Variants in SMG5 observed in about 807,000 individuals in gnomAD.
SMG5 encodes the protein nonsense-mediated mRNA decay factor SMG5.
Under a neutral mutation model 122.9 loss-of-function variants are expected in SMG5, and 53 were observed. The observed-to-expected ratio is 0.43, with a 90% CI of 0.35 to 0.54. The LOEUF (loss-of-function observed/expected upper bound fraction) is 0.54. Ranked by LOEUF, SMG5 falls within the 20% of genes least tolerant of loss-of-function variation. The pLI is 0.01. For missense variants in SMG5, 1,153 were observed against 1,285.6 expected (o/e 0.90, Z 1.58); for synonymous variants, 477 against 490.2 (o/e 0.97, Z 0.35).
At chr1:156,290,859 A>G in the SMG5 span, 1 of 138,468 alleles carries the variant, frequency 7.2e-6, no homozygotes, top group African/African-American at 2.7e-5. Context: ...AATTTAAAAA[A>G]TCACTCAGTG....
chr1:156,266,568 C>T lies in SMG5; in HGVS notation c.1228G>A (p.Val410Ile), dbSNP rs745317260. ...QAELEEGENPVPAFQSDGTDE... is the reference protein window; with the variant it reads ...QAELEEGENPIPAFQSDGTDE... Reference sequence around the variant, plus strand: ...GTGCCATCACTCTGGAATGCCGGGACGGGATTCTCGCCCTCTTCCAGCTCA... The same window carrying T: ...GTGCCATCACTCTGGAATGCCGGGATGGGATTCTCGCCCTCTTCCAGCTCA... Residue 410 changes from valine (V) to isoleucine (I), a missense_variant, in exon 11 of 22, where the codon GTC becomes ATC. Val to Ile is a conservative substitution (Grantham distance 29). Around this residue, in one of 5 missense-constraint regions of SMG5, gnomAD observed 631 missense variants for 650.6 expected, o/e 0.97. Coordinates refer to ENST00000361813, the MANE Select transcript of SMG5 (RefSeq NM_015327.3). 6 of 1,614,166 alleles carry T rather than the reference C, an allele frequency of 3.7e-6. No individual in the cohort carries two copies. The highest frequency in any genetic ancestry group is 2.2e-5 in the South Asian group (2 of 91,086).
In SMG5 at chr1:156,282,049, G is replaced by A. The variant is rs1662974141; in HGVS notation, c.74+558C>T. Among the ~76,000 whole-genome samples the A allele has an allele frequency of 2.6e-5, 4 of 152,240 alleles. No individual in the cohort carries two copies. In the Middle Eastern group the frequency reaches 0.01, roughly 388 times the overall value. On this transcript the variant is annotated intron_variant, in intron 1 of 21. Transcript: ENST00000361813. ...CAAAAGTCGTTCGTGACCCTTCCAG[G>A]CCAAGACTTTCTCATTCGGACTCCT...
intron 13 of SMG5, 91 bp downstream of exon 13, chr1:156,263,304 C>A: frequency 7.1e-7 from 1 of 1,405,032 alleles, no homozygotes; most frequent in Non-Finnish European, 9.7e-7. Flanking sequence ...CTTGCCTTGG[C>A]CATCAGGGGG....
intron 13 of SMG5, among the ~76,000 whole-genome samples, chr1:156,261,970 G>A (rs1025830660): frequency 6.6e-6 from 1 of 152,122 alleles, no homozygotes; most frequent in Non-Finnish European, 1.5e-5. Flanking sequence ...GCTCAGTTGG[G>A]AGGATTGCTT....
chr1:156,286,747 A>G (rs560921006), upstream of SMG5, among the ~76,000 whole-genome samples: 5 of 152,340 alleles, frequency 3.3e-5, no homozygotes. Flanking sequence ...TCCTGTGGCA[A>G]TCTGGTCAGG....
Position 156,282,598 on chromosome 1 carries a change from C to T in SMG5, c.74+9G>A, listed in dbSNP as rs376555771. On this transcript the variant is annotated intron_variant, in intron 1 of 21. Coordinates refer to ENST00000361813, the MANE Select transcript of SMG5 (RefSeq NM_015327.3). ...TCGGTGGCTGCTCTCACGCCCTGGC[C>T]CCTCTCACCGGTAAAGCCGCTTAGT... The T allele has an allele frequency of 1.0e-5, 16 of 1,606,458 alleles. No homozygotes were observed. The highest frequency in any genetic ancestry group is 2.2e-5 in the East Asian group (1 of 44,822).
chr1:156,291,269 G>C, the SMG5 span: 1 of 860,806 alleles, frequency 1.2e-6, no homozygotes, highest in Admixed American at 2.0e-5. Context: ...GGAAGTACCA[G>C]CCATACCCAC....
rs1325435879 is a variant in SMG5, at chr1:156,274,759, C to T, written c.455-73G>A. Reference sequence around the variant, plus strand: ...CCGCACCTATGAAGAAATACCCCTCCGAGATGTAGAGACTAAGAATCCAGG... The same window carrying T: ...CCGCACCTATGAAGAAATACCCCTCTGAGATGTAGAGACTAAGAATCCAGG... On this transcript the variant is annotated intron_variant, in intron 4 of 21. Transcript: ENST00000361813. 3.7e-5 allele frequency: 46 copies of T among 1,239,102 alleles called. No individual in the cohort carries two copies. The East Asian group carries it at 4.8e-4, about 13-fold the overall frequency. 76.8% of individuals were successfully genotyped at this position (1,239,102 alleles called of 1,614,324 possible).
At chr1:156,265,519 T>C (rs1215801404) in intron 12 of SMG5, among the ~76,000 whole-genome samples, 1 of 152,014 alleles carries the variant, frequency 6.6e-6, no homozygotes, top group African/African-American at 2.4e-5. Flanking sequence ...AATTGTTGTG[T>C]AGGGAGGAAA....
At chr1:156,276,423 G>A (rs183794471) in intron 4 of SMG5, among the ~76,000 whole-genome samples, 78 of 152,232 alleles carry the variant, frequency 5.1e-4, no homozygotes, top group African/African-American at 1.8e-3. Context: ...CACCGTGCCC[G>A]GTCTAGATGT....
chr1:156,286,581 G>C, upstream of SMG5: 1 of 1,108,058 alleles, frequency 9.0e-7, no homozygotes, highest in East Asian at 2.4e-5. Context: ...TTCTACACTG[G>C]CCCAAATGTG....
At position 156,274,289 on chromosome 1, in the gene SMG5, A is replaced by C. The variant is rs143558082; in HGVS notation, c.544+308T>G. 8.5e-4 allele frequency among the ~76,000 whole-genome samples: 130 copies of C among 152,326 alleles called. 1 individual carries two copies. In the East Asian group the frequency reaches 0.022, roughly 26 times the overall value. ...TTCATCTAGCAGTCCATAAAGATAA[A>C]AGAAACACTCAAAGAAGAAAAATAT... On this transcript the variant is annotated intron_variant, in intron 5 of 21. Coordinates refer to ENST00000361813, the MANE Select transcript of SMG5 (RefSeq NM_015327.3).
chr1:156,280,794 A>G (rs773167229), intron 1 of SMG5, among the ~76,000 whole-genome samples: 1 of 152,228 alleles, frequency 6.6e-6, no homozygotes, highest in African/African-American at 2.4e-5. Context: ...CTCCTCCACT[A>G]AACTATAATC....
rs1228224331 is a variant in SMG5, at chr1:156,268,368, C to T, written c.761G>A (p.Arg254Gln). The change falls in exon 8 of 22, where the codon CGG becomes CAG. Residue 254 changes from arginine to glutamine, a missense_variant. This residue lies in a region of SMG5 where 85 missense variants were observed against 127.3 expected (regional missense o/e 0.67). Transcript: ENST00000361813. ...CATTTTGGCTGCCTTGTCATACAGC[C>T]GCTTGAGGTTCCCATAGGCTCCCTC... The part of the protein sequence containing the change: ...SFEGAYGNLK[R>Q]LYDKAAKMYH... 2.5e-6 allele frequency: 4 copies of T among 1,614,136 alleles called. No individual in the cohort carries two copies. The highest frequency in any genetic ancestry group is 2.2e-5 in the East Asian group (1 of 44,888).
At chr1:156,262,806 A>G (rs1661914698) in intron 13 of SMG5, among the ~76,000 whole-genome samples, 1 of 152,176 alleles carries the variant, frequency 6.6e-6, no homozygotes, top group African/African-American at 2.4e-5. Context: ...AGTCTTCCAC[A>G]GCAGGGCAGG....
At chr1:156,284,252 G>C (rs887018280), upstream of SMG5, 3 of 152,242 alleles carry the variant, frequency 2.0e-5, no homozygotes, top group Non-Finnish European at 4.4e-5. Context: ...GCCCCTTTAA[G>C]CTGGGCCCCA....
At chr1:156,259,459 C>T (rs1009910020) in intron 15 of SMG5, among the ~76,000 whole-genome samples, 3 of 152,174 alleles carry the variant, frequency 2.0e-5, no homozygotes, top group African/African-American at 4.8e-5. Context: ...AGTGAGGAGA[C>T]CTGGGTTCTA....
chr1:156,273,920 A>G (rs973436953), intron 5 of SMG5, among the ~76,000 whole-genome samples: 11 of 152,018 alleles, frequency 7.2e-5, no homozygotes, highest in Admixed American at 4.6e-4. Context: ...AAATGCTTGC[A>G]AAGACCTCTG....
At chr1:156,285,524 G>C, upstream of SMG5, 1 of 1,614,186 alleles carries the variant, frequency 6.2e-7, no homozygotes, top group Non-Finnish European at 8.5e-7. Context: ...CATTGAACCA[G>C]AGCCCCCTGA....
Sources: gnomAD v4.1 joint callset for allele counts (sites outside exome capture counted in the v4.1 genomes callset) on GRCh38, gnomAD v4.1.1 for gene constraint, gnomAD v4.1.1 regional missense constraint, MANE v1.5 for transcripts, NCBI Gene and HGNC (gene_info 2026-07-23, HGNC 2026-07-21) for gene names.